Variants in CDYL2 observed in about 807,000 individuals in gnomAD.
CDYL2 encodes chromodomain Y like 2, also known as chromodomain Y-like protein 2.
In CDYL2, 23 loss-of-function variants were observed where a neutral mutation model predicts 49.4. The observed-to-expected ratio is 0.47, with a 90% CI of 0.34 to 0.66. The LOEUF is 0.66. CDYL2 is among the 30% of genes least tolerant of loss of function. CDYL2 has a pLI of 0.01. For missense variants in CDYL2, 678 were observed against 656.4 expected, an observed-to-expected ratio of 1.03 and a Z score of -0.36; for synonymous variants, 360 against 268.8, an observed-to-expected ratio of 1.34 and a Z score of -3.32.
At chr16:80,753,822 G>C (rs1431801990) in intron 1 of CDYL2, among the ~76,000 whole-genome samples, 1 of 152,148 alleles carries the variant, frequency 6.6e-6, no homozygotes, top group Non-Finnish European at 1.5e-5. Flanking sequence ...CTTATCGAAA[G>C]ACACAATTAA....
chr16:80,677,515 G>A (rs1401483999), intron 2 of CDYL2, among the ~76,000 whole-genome samples: 1 of 151,894 alleles, frequency 6.6e-6, no homozygotes, highest in Non-Finnish European at 1.5e-5. Flanking sequence ...GAGGCGGGCG[G>A]ACCACGAGGT....
chr16:80,605,846 T>A (rs1363645534), intron 6 of CDYL2, among the ~76,000 whole-genome samples: 2 of 152,222 alleles, frequency 1.3e-5, no homozygotes, highest in Non-Finnish European at 2.9e-5. Context: ...ATGATAACCC[T>A]GCAAGTAAGT....
At chr16:80,771,997 G>A (rs1390267843) in intron 1 of CDYL2, among the ~76,000 whole-genome samples, 2 of 152,100 alleles carry the variant, frequency 1.3e-5, no homozygotes, top group African/African-American at 2.4e-5. Flanking sequence ...GGAAATGGCT[G>A]AGCATTCCCC....
At chr16:80,638,427 A>T (rs145716704) in intron 2 of CDYL2, among the ~76,000 whole-genome samples, 1 of 152,300 alleles carries the variant, frequency 6.6e-6, no homozygotes, top group Non-Finnish European at 1.5e-5. Context: ...CTATAGACTC[A>T]ATGTAATCCC....
At chr16:80,658,677 T>C (rs1175452178) in intron 2 of CDYL2, among the ~76,000 whole-genome samples, 1 of 152,214 alleles carries the variant, frequency 6.6e-6, no homozygotes, top group African/African-American at 2.4e-5. Flanking sequence ...TTAAAAATTA[T>C]ACATATTTCC....
intron 2 of CDYL2, among the ~76,000 whole-genome samples, chr16:80,652,110 C>G (rs1393182243): frequency 1.3e-5 from 2 of 151,994 alleles, no homozygotes; most frequent in African/African-American, 4.8e-5. Flanking sequence ...GCTGAGAGGG[C>G]CCAGAATCAA....
rs73595141 is a variant in CDYL2 at position 80,741,789 on chromosome 16, G to C, written c.25-56660C>G. 6.1e-3 allele frequency among the ~76,000 whole-genome samples: 924 copies of C among 152,354 alleles called. 9 individuals are homozygous for C. Among genetic ancestry groups the C allele is most frequent in the African/African-American group, 0.02 (837 of 41,578 alleles). On this transcript the variant is annotated intron_variant, in intron 1 of 6. Coordinates refer to ENST00000570137, the MANE Select transcript of CDYL2 (RefSeq NM_152342.4). ...ATTAAATAATCGCCCAGCATTGGCA[G>C]ATGTTCAGGTAAAATGGGCATTCTC...
chr16:80,683,575 GCAGGAT>G (rs1910055337), intron 2 of CDYL2, among the ~76,000 whole-genome samples: 1 of 29,028 alleles, frequency 3.4e-5, no homozygotes, highest in Non-Finnish European at 1.3e-4. Flanking sequence ...AAGAATTAGT[GCAGGAT>G]GAGGTCAAGA....
At chr16:80,638,299 T>A (rs1907930206) in intron 2 of CDYL2, among the ~76,000 whole-genome samples, 1 of 152,136 alleles carries the variant, frequency 6.6e-6, no homozygotes, top group Non-Finnish European at 1.5e-5. Context: ...GGTCTCAAAT[T>A]CCCAACCCCA....
chr16:80,687,818 C>A (rs1203949081), intron 1 of CDYL2, among the ~76,000 whole-genome samples: 1 of 152,144 alleles, frequency 6.6e-6, no homozygotes, highest in African/African-American at 2.4e-5. Context: ...AAGTATAGCG[C>A]CTATCTCTTG....
At chr16:80,605,873 T>C (rs759151249) in intron 6 of CDYL2, among the ~76,000 whole-genome samples, 7 of 152,208 alleles carry the variant, frequency 4.6e-5, no homozygotes, top group Non-Finnish European at 1.0e-4. Context: ...TTGATCCCCA[T>C]GTTACAGATG....
intron 1 of CDYL2, among the ~76,000 whole-genome samples, chr16:80,795,302 G>A (rs1907737358): frequency 6.6e-6 from 1 of 152,174 alleles, no homozygotes; most frequent in Non-Finnish European, 1.5e-5. Flanking sequence ...TCAATGTGGT[G>A]ATTGATCAAC....
intron 2 of CDYL2, among the ~76,000 whole-genome samples, chr16:80,638,795 T>C (rs1907953008): frequency 1.3e-5 from 2 of 152,070 alleles, no homozygotes; most frequent in African/African-American, 4.8e-5. Context: ...AAAAAGAACC[T>C]AGACACAAAC....
At chr16:80,736,379 A>G (rs533275181) in intron 1 of CDYL2, 2 of 152,266 alleles carry the variant, frequency 1.3e-5, no homozygotes, top group African/African-American at 4.8e-5. Context: ...AGCATTCAAC[A>G]GACTAAGCAC....
intron 1 of CDYL2, among the ~76,000 whole-genome samples, chr16:80,712,189 GTGTATA>G (rs1172887694): frequency 2.0e-4 from 15 of 75,842 alleles, no homozygotes; most frequent in African/African-American, 5.0e-4. Flanking sequence ...GTGTCTGTGT[GTGTATA>G]TATATATATA....
intron 2 of CDYL2, among the ~76,000 whole-genome samples, chr16:80,678,847 G>C (rs548838063): frequency 6.6e-6 from 1 of 151,242 alleles, no homozygotes. Context: ...CAATAGCAAA[G>C]ACTTGGAACC....
chr16:80,729,838 C>T (rs1905271014), intron 1 of CDYL2, among the ~76,000 whole-genome samples: 3 of 152,162 alleles, frequency 2.0e-5, no homozygotes, highest in Admixed American at 6.5e-5. Flanking sequence ...GAACAACCTG[C>T]TCCTAAATGA....
chr16:80,724,649 C>A (rs971943572), intron 1 of CDYL2, among the ~76,000 whole-genome samples: 3 of 152,184 alleles, frequency 2.0e-5, no homozygotes, highest in Non-Finnish European at 4.4e-5. Flanking sequence ...GTTTCACATA[C>A]ATATACACAC....
At chr16:80,680,073 G>A (rs1909910475) in intron 2 of CDYL2, among the ~76,000 whole-genome samples, 1 of 152,172 alleles carries the variant, frequency 6.6e-6, no homozygotes, top group Non-Finnish European at 1.5e-5. Context: ...TCAATAAAGG[G>A]AAAAATGATA....
Sources: gnomAD v4.1 joint callset for allele counts (sites outside exome capture counted in the v4.1 genomes callset) on GRCh38, gnomAD v4.1.1 for gene constraint, MANE v1.5 for transcripts, NCBI Gene and HGNC (gene_info 2026-07-23, HGNC 2026-07-21) for gene names.